Variants in RIMS1 observed in about 807,000 individuals in gnomAD.
RIMS1 encodes the protein regulating synaptic membrane exocytosis protein 1.
A neutral mutation model predicts 214.1 loss-of-function variants in RIMS1; 83 were observed. The ratio of observed to expected loss-of-function variants is 0.39; its 90% confidence interval spans 0.32 to 0.47. The LOEUF is 0.47. Ranked by LOEUF, RIMS1 falls within the 20% of genes least tolerant of loss-of-function variation. RIMS1 has a pLI of 0.99. For synonymous variants in RIMS1, 793 were observed against 786.8 expected (o/e 1.01, Z -0.13); for missense variants, 2,050 against 2,161.8 (o/e 0.95, Z 1.03).
At chr6:72,370,339 C>T (rs889286240) in intron 29 of RIMS1, among the ~76,000 whole-genome samples, 6 of 152,158 alleles carry the variant, frequency 3.9e-5, no homozygotes, top group Non-Finnish European at 1.5e-5. Flanking sequence ...ATTAGAGGTA[C>T]AACTGTTATG....
intron 2 of RIMS1, among the ~76,000 whole-genome samples, chr6:72,048,858 G>A (rs1002053863): frequency 6.6e-6 from 1 of 152,204 alleles, no homozygotes; most frequent in Non-Finnish European, 1.5e-5. Context: ...GCCCTACCAT[G>A]TGTTGGCTTT....
chr6:72,400,439 C>T (rs899738937), intron 33 of RIMS1, 57 bp from the exon 34 acceptor site: 39 of 1,490,714 alleles, frequency 2.6e-5, no homozygotes, highest in Non-Finnish European at 3.6e-5. Flanking sequence ...GCTTTGAGCC[C>T]TTCGAATGTG....
chr6:72,058,605 T>C (rs960687778), intron 2 of RIMS1, among the ~76,000 whole-genome samples: 1 of 152,164 alleles, frequency 6.6e-6, no homozygotes. Flanking sequence ...GAAATTGATG[T>C]TTTCTCTCTT....
At chr6:72,304,688 T>C (rs2094969615) in intron 26 of RIMS1, among the ~76,000 whole-genome samples, 1 of 151,982 alleles carries the variant, frequency 6.6e-6, no homozygotes, top group Non-Finnish European at 1.5e-5. Context: ...GAAAAAACTT[T>C]TACTGAAGCA....
intron 29 of RIMS1, among the ~76,000 whole-genome samples, chr6:72,345,841 GTTACCA>G (rs1564350059): frequency 6.6e-6 from 1 of 151,696 alleles, no homozygotes; most frequent in Admixed American, 6.6e-5. Flanking sequence ...GTTACGTGAT[GTTACCA>G]TTTACTAAGA....
chr6:72,177,240 GATTTT>G (rs966556086), intron 4 of RIMS1, among the ~76,000 whole-genome samples: 15 of 152,118 alleles, frequency 9.9e-5, no homozygotes, highest in African/African-American at 3.4e-4. Flanking sequence ...GAACCTACTT[GATTTT>G]ATTTTATTTC....
chr6:72,327,490 G>A (rs986999158), intron 28 of RIMS1, among the ~76,000 whole-genome samples: 1 of 151,698 alleles, frequency 6.6e-6, no homozygotes, highest in African/African-American at 2.4e-5. Flanking sequence ...GTTCATATAT[G>A]TTTGTGTGGA....
At chr6:72,078,780 C>G (rs1832545355) in intron 2 of RIMS1, among the ~76,000 whole-genome samples, 1 of 152,064 alleles carries the variant, frequency 6.6e-6, no homozygotes, top group African/African-American at 2.4e-5. Flanking sequence ...AAATTTATAG[C>G]ATAGCACAAT....
At chr6:72,344,261 T>C (rs1296898385) in intron 29 of RIMS1, among the ~76,000 whole-genome samples, 1 of 151,798 alleles carries the variant, frequency 6.6e-6, no homozygotes, top group Non-Finnish European at 1.5e-5. Flanking sequence ...CAATACAGTT[T>C]ACCAAAATGT....
intron 4 of RIMS1, among the ~76,000 whole-genome samples, chr6:72,101,130 G>T (rs532762380): frequency 2.6e-5 from 4 of 151,998 alleles, no homozygotes; most frequent in East Asian, 3.9e-4. Context: ...TGTTTAGGCA[G>T]ATTTGGTGAT....
At chr6:72,152,077 C>T (rs933820227) in intron 4 of RIMS1, among the ~76,000 whole-genome samples, 2 of 152,156 alleles carry the variant, frequency 1.3e-5, no homozygotes, top group Admixed American at 6.5e-5. Flanking sequence ...GATTCTCCCC[C>T]ACGATCCAAA....
intron 2 of RIMS1, among the ~76,000 whole-genome samples, chr6:71,979,421 A>G (rs1192228582): frequency 6.6e-6 from 1 of 152,110 alleles, no homozygotes; most frequent in Non-Finnish European, 1.5e-5. Context: ...AGGGGAAGAT[A>G]ACTGAACTCT....
intron 1 of RIMS1, among the ~76,000 whole-genome samples, chr6:71,955,078 GA>G (rs760617088): frequency 3.3e-5 from 5 of 151,962 alleles, no homozygotes; most frequent in Non-Finnish European, 5.9e-5. Context: ...AATATGCCAT[GA>G]TTTTTTTTAG....
chr6:71,933,864 A>G (rs1364784912), intron 1 of RIMS1, among the ~76,000 whole-genome samples: 3 of 152,216 alleles, frequency 2.0e-5, no homozygotes, highest in Non-Finnish European at 4.4e-5. Flanking sequence ...TCTTAGGAAC[A>G]CCTTAATATA....
intron 28 of RIMS1, among the ~76,000 whole-genome samples, chr6:72,330,523 G>T (rs149036835): frequency 5.0e-4 from 76 of 151,736 alleles, no homozygotes; most frequent in African/African-American, 1.6e-3. Context: ...AGTTTTAGTG[G>T]TGCATAAAGT....
chr6:71,962,244 C>A (rs1401023650), intron 1 of RIMS1, among the ~76,000 whole-genome samples: 3 of 152,056 alleles, frequency 2.0e-5, no homozygotes, highest in African/African-American at 2.4e-5. Flanking sequence ...AACTTAAAAT[C>A]TCTTATTAAT....
chr6:72,089,576 T>C (rs1385585444), intron 2 of RIMS1, among the ~76,000 whole-genome samples: 1 of 152,010 alleles, frequency 6.6e-6, no homozygotes, highest in African/African-American at 2.4e-5. Context: ...GCCTCCTGAG[T>C]AGCTGGGTCT....
chr6:72,073,339 C>T (rs1831025308), intron 2 of RIMS1, among the ~76,000 whole-genome samples: 1 of 152,120 alleles, frequency 6.6e-6, no homozygotes, highest in Non-Finnish European at 1.5e-5. Context: ...CAGAGCTAAA[C>T]ACTTATCTCA....
intron 2 of RIMS1, among the ~76,000 whole-genome samples, chr6:72,053,116 C>T (rs536968840): frequency 7.2e-5 from 11 of 152,236 alleles, no homozygotes; most frequent in African/African-American, 2.2e-4. Flanking sequence ...GGATCTATCC[C>T]GAAGTCTAAC....
Sources: gnomAD v4.1 joint callset for allele counts (sites outside exome capture counted in the v4.1 genomes callset) on GRCh38, gnomAD v4.1.1 for gene constraint, MANE v1.5 for transcripts, NCBI Gene and HGNC (gene_info 2026-07-23, HGNC 2026-07-21) for gene names.